Variants in CHCHD7 observed in about 807,000 individuals in gnomAD.
CHCHD7 encodes coiled-coil-helix-coiled-coil-helix domain containing 7.
CHCHD7 carries 7 observed loss-of-function variants against 10.5 expected under a neutral mutation model. The observed-to-expected ratio is 0.67, with a 90% CI of 0.38 to 1.25. The LOEUF (loss-of-function observed/expected upper bound fraction) is 1.25. Among genes scored for constraint, CHCHD7 ranks in the 50% most tolerant of loss-of-function variants. The probability of loss-of-function intolerance (pLI) is 0.02; values close to 1 mark genes in which losing one functional copy is unlikely to be tolerated. For missense variants in CHCHD7, 100 were observed against 104.5 expected, an observed-to-expected ratio of 0.96 and a Z score of 0.19; for synonymous variants, 40 against 36.0, an observed-to-expected ratio of 1.11 and a Z score of -0.40.
intron 2 of CHCHD7, chr8:56,215,025 A>G: frequency 5.4e-6 from 1 of 183,810 alleles, no homozygotes; most frequent in Non-Finnish European, 1.2e-5. Flanking sequence ...TAATATCACC[A>G]TGTCCTTGAC....
intron 1 of CHCHD7, chr8:56,214,064 A>G (rs1585852865): frequency 6.6e-6 from 1 of 152,212 alleles, no homozygotes; most frequent in East Asian, 1.9e-4. Flanking sequence ...ACTGAATTAT[A>G]ATTGAACTAT....
At chr8:56,213,408 AGACGGC>A (rs1237480402) in intron 1 of CHCHD7, 1 of 137,044 alleles carries the variant, frequency 7.3e-6, no homozygotes, top group African/African-American at 2.8e-5. Context: ...TTTTTTTTTG[AGACGGC>A]GTCTTCCACT....
chr8:56,216,662 C>G, intron 3 of CHCHD7, 131 bp downstream of exon 3: 1 of 923,308 alleles, frequency 1.1e-6, no homozygotes, highest in Non-Finnish European at 1.7e-6. Flanking sequence ...CAACTTTATC[C>G]TCTGTGTGCT....
At position 56,217,811 on chromosome 8, in the gene CHCHD7, AAG is replaced by A; in HGVS notation, c.*380_*381del. 4.1e-6 allele frequency: 1 copy of A among 241,794 alleles called. No homozygotes were observed. Among genetic ancestry groups the A allele is most frequent in the Non-Finnish European group, 8.1e-6 (1 of 123,626 alleles). The allele number at this position is 241,794 out of a possible 1,614,324, so 15.0% of individuals were successfully genotyped here. A position where few individuals can be genotyped will look rare whatever the true frequency, so the allele number is the denominator to read the frequency against. On this transcript the variant is annotated 3_prime_UTR_variant, in exon 4 of 4. Transcript: ENST00000355315. The stretch of plus-strand genomic sequence containing the variant: ...AATGTTATGAGCAAGAGTGTGAGGC[AAG>A]AGAAGCTGGAACCACATTCAGAGAG...
intron 1 of CHCHD7, chr8:56,212,953 T>G (rs905098628): frequency 1.6e-6 from 2 of 1,224,952 alleles, no homozygotes; most frequent in East Asian, 4.7e-5. Flanking sequence ...AAATATAGAG[T>G]AGGATACTTT....
At chr8:56,213,067 T>A in intron 1 of CHCHD7, 1 of 461,484 alleles carries the variant, frequency 2.2e-6, no homozygotes, top group Non-Finnish European at 3.8e-6. Context: ...CATCATAGGA[T>A]AGGTGTAAAA....
rs1470078640 is a variant in CHCHD7 at position 56,216,805 on chromosome 8, G to A, written c.153+274G>A. ...TCTGCAGCCCTAAAACAATGTCTTT[G>A]TTATAAATTTAGTTTTCCTGGAGAT... is the stretch of plus-strand genomic sequence containing the variant. On this transcript the variant is annotated intron_variant, in intron 3 of 3. Coordinates refer to ENST00000355315, the MANE Select transcript of CHCHD7 (RefSeq NM_001011671.3). 7.3e-6 allele frequency: 5 copies of A among 685,794 alleles called. No homozygotes were observed. The African/African-American group carries it at 8.9e-5, about 12-fold the overall frequency. 42.5% of individuals were successfully genotyped at this position (685,794 alleles called of 1,614,324 possible). A position where few individuals can be genotyped will look rare whatever the true frequency, so the allele number is the denominator to read the frequency against.
chr8:56,215,326 T>G (rs1026663797), intron 2 of CHCHD7: 6 of 152,228 alleles, frequency 3.9e-5, no homozygotes, highest in Non-Finnish European at 7.3e-5. Flanking sequence ...ACATGTTTCT[T>G]AGATATGTGT....
rs1465678686 is a variant in CHCHD7 at position 56,217,435 on chromosome 8, A to C, written c.258A>C (p.Ter86CysextTer9). 1 of 1,521,966 alleles carries C rather than the reference A, an allele frequency of 6.6e-7. No individual in the cohort carries two copies. The highest frequency in any genetic ancestry group is 9.1e-7 in the Non-Finnish European group (1 of 1,097,164). The allele number at this position is 1,521,966 out of a possible 1,614,324, so 94.3% of individuals were successfully genotyped here. Reference sequence around the variant, plus strand: ...GAGCAGTGGGAAATATGCCCTATTGAATGTTTGCATTAAAAGTGTTTATAT... The same window carrying C: ...GAGCAGTGGGAAATATGCCCTATTGCATGTTTGCATTAAAAGTGTTTATAT... ...ILRAVGNMPY[*>C] The change falls in exon 4 of 4, where the codon TGA (stop) becomes TGC (cysteine). Residue 86 changes from the stop codon to cysteine, a stop_lost. Coordinates refer to ENST00000355315, the MANE Select transcript of CHCHD7 (RefSeq NM_001011671.3).
intron 2 of CHCHD7, chr8:56,215,237 T>G (rs75043561): frequency 1.3e-5 from 2 of 152,328 alleles, no homozygotes; most frequent in African/African-American, 4.8e-5. Flanking sequence ...ATTATACTCT[T>G]TAGTTATATG....
In CHCHD7 at chr8:56,217,389, C is replaced by T; in HGVS notation, c.212C>T (p.Ala71Val). ...NGVKPFMPTA[A>V]ERDEILRAVG... is the part of the protein sequence containing the mutation. The stretch of plus-strand genomic sequence containing the variant: ...GTGAAGCCATTTATGCCTACGGCAG[C>T]AGAAAGAGATGAAATCTTGAGAGCA... Residue 71 changes from alanine to valine, a missense_variant, in exon 4 of 4, where the codon GCA becomes GTA. Ala to Val is a moderately conservative substitution (Grantham distance 64, BLOSUM62 0). Transcript: ENST00000355315. 1 of 1,612,194 alleles carries T rather than the reference C, an allele frequency of 6.2e-7. No homozygotes were observed. The highest frequency in any genetic ancestry group is 8.5e-7 in the Non-Finnish European group (1 of 1,178,284).
In CHCHD7 at chr8:56,218,418, T is replaced by C. The variant is rs1813485827; in HGVS notation, c.*983T>C. The stretch of plus-strand genomic sequence containing the variant: ...TGGTAGTTTTATGAAGACATACTAT[T>C]ATTGAATGAAATTTAATGTGTACTT... On this transcript the variant is annotated 3_prime_UTR_variant, in exon 4 of 4. Coordinates refer to ENST00000355315, the MANE Select transcript of CHCHD7 (RefSeq NM_001011671.3). 4.5e-6 allele frequency: 1 copy of C among 220,924 alleles called. No individual in the cohort carries two copies. The highest frequency in any genetic ancestry group is 9.0e-6 in the Non-Finnish European group (1 of 110,552). The allele number at this position is 220,924 out of a possible 1,614,324, so 13.7% of individuals were successfully genotyped here.
At chr8:56,216,947 G>T in intron 3 of CHCHD7, 1 of 449,438 alleles carries the variant, frequency 2.2e-6, no homozygotes, top group Non-Finnish European at 4.1e-6. Flanking sequence ...TGAAAACATT[G>T]GTATATAATT....
chr8:56,216,352 G>A lies in CHCHD7; in HGVS notation c.55-81G>A, dbSNP rs765210448. The A allele has an allele frequency of 5.1e-6, 8 of 1,578,752 alleles. No homozygotes were observed. The East Asian group carries it at 1.8e-4, about 36-fold the overall frequency. ...ACTATTTCACATTATTTGCTTCTGG[G>A]GAAGCAGCTTTTGTTTGTTTGTTTG... On this transcript the variant is annotated intron_variant, in intron 2 of 3. Coordinates refer to ENST00000355315, the MANE Select transcript of CHCHD7 (RefSeq NM_001011671.3).
At chr8:56,212,810 A>G (rs1041496555) in intron 1 of CHCHD7, 2 of 1,393,128 alleles carry the variant, frequency 1.4e-6, no homozygotes, top group Non-Finnish European at 2.0e-6. Flanking sequence ...GGAAATCCAA[A>G]CTTAGAGTGC....
At chr8:56,217,282 A>T (rs774216577) in intron 3 of CHCHD7, 49 bp from the exon 4 acceptor site, 1 of 1,103,618 alleles carries the variant, frequency 9.1e-7, no homozygotes, top group Non-Finnish European at 1.4e-6. Flanking sequence ...AGCATTTAAT[A>T]CATGACTGAT....
intron 3 of CHCHD7, 57 bp from the exon 4 acceptor site, chr8:56,217,274 C>T (rs1813403389): frequency 2.0e-6 from 2 of 988,514 alleles, no homozygotes; most frequent in East Asian, 2.6e-5. Flanking sequence ...AAATGATTAG[C>T]ATTTAATACA....
chr8:56,211,876 GA>G, intron 1 of CHCHD7, 39 bp downstream of exon 1: 1 of 152,740 alleles, frequency 6.5e-6, no homozygotes, highest in Non-Finnish European at 1.5e-5. Context: ...AGCGGCCGCA[GA>G]AAAGCGGGGA....
At chr8:56,214,771 T>C in intron 2 of CHCHD7, 104 bp downstream of exon 2, 2 of 793,196 alleles carry the variant, frequency 2.5e-6, no homozygotes, top group East Asian at 2.6e-5. Context: ...AAGTTATTTC[T>C]CTAGAAAAAA....
Sources: gnomAD v4.1 joint callset for allele counts on GRCh38, gnomAD v4.1.1 for gene constraint, MANE v1.5 for transcripts, NCBI Gene and HGNC (gene_info 2026-07-23, HGNC 2026-07-21) for gene names.